SYN3: variants seen among roughly 807,000 people sequenced by gnomAD.
The protein encoded by SYN3 is synapsin III.
A neutral mutation model predicts 65.8 loss-of-function variants in SYN3; 35 were observed. The observed-to-expected ratio is 0.53, with a 90% CI of 0.41 to 0.70. The LOEUF (loss-of-function observed/expected upper bound fraction) is 0.70, where lower values mean the gene tolerates loss of function less well. SYN3 is among the 30% of genes least tolerant of loss of function. The pLI, the probability that SYN3 is intolerant of heterozygous loss-of-function variation, is 0.00. For missense variants in SYN3, 680 were observed against 749.0 expected, an observed-to-expected ratio of 0.91 and a Z score of 1.08; for synonymous variants, 270 against 292.9, an observed-to-expected ratio of 0.92 and a Z score of 0.80.
At chr22:32,527,678 G>A in intron 12 of SYN3, 1 of 419,604 alleles carries the variant, frequency 2.4e-6, no homozygotes. Flanking sequence ...AAATAGGTGG[G>A]ACATTCCCTG....
At position 32,795,603 on chromosome 22, in the gene SYN3, C is replaced by T. The variant is rs183173155; in HGVS notation, c.711+69312G>A. On this transcript the variant is annotated intron_variant, in intron 6 of 13. Coordinates refer to ENST00000358763, the MANE Select transcript of SYN3 (RefSeq NM_003490.4). ...CACTCCGGTGCACATAGCATGGTAG[C>T]GACCATGGGGGTGCGTGGGGTAGGC... Among the ~76,000 whole-genome samples, 14 of 152,190 alleles carry T rather than the reference C, an allele frequency of 9.2e-5. No homozygotes were observed. The East Asian group carries it at 2.1e-3, about 23-fold the overall frequency.
chr22:32,928,157 C>T (rs532268902), intron 4 of SYN3, among the ~76,000 whole-genome samples: 3 of 152,096 alleles, frequency 2.0e-5, no homozygotes, highest in Non-Finnish European at 2.9e-5. Flanking sequence ...GGTGAAACCC[C>T]GTCTGTACTA....
intron 4 of SYN3, among the ~76,000 whole-genome samples, chr22:32,895,117 GA>G (rs1256849307): frequency 6.6e-6 from 1 of 152,234 alleles, no homozygotes; most frequent in Non-Finnish European, 1.5e-5. Flanking sequence ...ATCCTGTAAT[GA>G]TCTGAAGGAT....
At chr22:32,515,013 C>CA (rs969373157) in intron 13 of SYN3, among the ~76,000 whole-genome samples, 2,971 of 138,180 alleles carry the variant, frequency 0.022, 95 homozygotes, top group African/African-American at 0.073. Context: ...GACTCCATCT[C>CA]AAAAAAAAAA....
chr22:32,738,281 A>T (rs940988867), intron 6 of SYN3, among the ~76,000 whole-genome samples: 1 of 152,212 alleles, frequency 6.6e-6, no homozygotes, highest in Non-Finnish European at 1.5e-5. Flanking sequence ...CTCTACTACC[A>T]GAGATAACAC....
At chr22:32,893,805 C>G (rs991257460) in intron 4 of SYN3, among the ~76,000 whole-genome samples, 2 of 152,114 alleles carry the variant, frequency 1.3e-5, no homozygotes, top group African/African-American at 4.8e-5. Flanking sequence ...CTTCTTTGAA[C>G]ATGGCAGTGA....
chr22:32,701,092 A>C (rs1569158456), intron 6 of SYN3, among the ~76,000 whole-genome samples: 1 of 152,256 alleles, frequency 6.6e-6, no homozygotes, highest in Non-Finnish European at 1.5e-5. Flanking sequence ...CACTTTTCTC[A>C]ACAGACTCAG....
At chr22:33,013,312 G>A (rs1183600028) in intron 1 of SYN3, among the ~76,000 whole-genome samples, 2 of 152,168 alleles carry the variant, frequency 1.3e-5, no homozygotes, top group South Asian at 2.1e-4. Context: ...AAACATTTAT[G>A]GTTTAGGGTA....
intron 3 of SYN3, among the ~76,000 whole-genome samples, chr22:32,957,860 G>T (rs2051515026): frequency 6.6e-6 from 1 of 152,190 alleles, no homozygotes; most frequent in Admixed American, 6.5e-5. Context: ...CCTCTTCTCA[G>T]ATGCTCATTT....
intron 6 of SYN3, among the ~76,000 whole-genome samples, chr22:32,777,495 T>A (rs1339933934): frequency 6.6e-6 from 1 of 152,138 alleles, no homozygotes; most frequent in African/African-American, 2.4e-5. Context: ...CTTCAGTGGA[T>A]CTGTCAGAGC....
intron 6 of SYN3, among the ~76,000 whole-genome samples, chr22:32,709,824 CT>C (rs1828710763): frequency 6.6e-6 from 1 of 151,894 alleles, no homozygotes; most frequent in African/African-American, 2.4e-5. Context: ...GAGAAGTTCC[CT>C]ATCAATATCT....
At chr22:32,557,948 A>G (rs2058527133) in intron 7 of SYN3, among the ~76,000 whole-genome samples, 1 of 152,170 alleles carries the variant, frequency 6.6e-6, no homozygotes, top group Non-Finnish European at 1.5e-5. Context: ...TTTTTCTCTG[A>G]TAGTTCTACT....
intron 4 of SYN3, among the ~76,000 whole-genome samples, chr22:32,888,255 T>C (rs2049349142): frequency 6.6e-6 from 1 of 152,166 alleles, no homozygotes; most frequent in Non-Finnish European, 1.5e-5. Flanking sequence ...CTAGATGTTA[T>C]TATTTTTAAG....
intron 6 of SYN3, among the ~76,000 whole-genome samples, chr22:32,605,309 A>G (rs1440246330): frequency 1.3e-5 from 2 of 152,156 alleles, no homozygotes; most frequent in African/African-American, 2.4e-5. Flanking sequence ...AGGAATGGCA[A>G]GCTTGGGAAG....
intron 6 of SYN3, among the ~76,000 whole-genome samples, chr22:32,672,371 T>C (rs914011307): frequency 6.6e-6 from 1 of 152,192 alleles, no homozygotes; most frequent in Admixed American, 6.5e-5. Flanking sequence ...AAAATTAAGA[T>C]GCATGGTATG....
chr22:32,822,573 C>T (rs171383), intron 6 of SYN3, among the ~76,000 whole-genome samples: 138,442 of 152,266 alleles, frequency 0.91, 63,013 homozygotes, highest in Middle Eastern at 0.94. Context: ...AATAACTAGG[C>T]AATGGAGTCC....
intron 1 of SYN3, chr22:33,014,600 G>C (rs964629773): frequency 1.3e-5 from 2 of 152,300 alleles, no homozygotes; most frequent in African/African-American, 2.4e-5. Flanking sequence ...GACCAACATG[G>C]AGAAACCCCG....
rs1480605529 is a variant in SYN3, at chr22:32,513,394, A to T, written c.*298T>A. The T allele has an allele frequency of 3.5e-6, 1 of 287,850 alleles. No homozygotes were observed. Among genetic ancestry groups the T allele is most frequent in the Non-Finnish European group, 6.5e-6 (1 of 153,458 alleles). 17.8% of individuals were successfully genotyped at this position (287,850 alleles called of 1,614,324 possible). On this transcript the variant is annotated 3_prime_UTR_variant, in exon 14 of 14. Coordinates refer to ENST00000358763, the MANE Select transcript of SYN3 (RefSeq NM_003490.4). The stretch of plus-strand genomic sequence containing the variant: ...CCACTCGCAGACATCTCACTTGGTT[A>T]TCTGGCAGGTAAGCAGGCACGTGGG...
chr22:33,052,410 C>T (rs1467155871), intron 1 of SYN3, among the ~76,000 whole-genome samples: 1 of 151,720 alleles, frequency 6.6e-6, no homozygotes, highest in Non-Finnish European at 1.5e-5. Flanking sequence ...CCTCTTCTTT[C>T]TCCTCCTCCT....
Sources: allele counts gnomAD v4.1 joint callset (sites outside exome capture counted in the v4.1 genomes callset), GRCh38; gene constraint gnomAD v4.1.1; transcripts MANE v1.5; gene names NCBI Gene and HGNC (gene_info 2026-07-23, HGNC 2026-07-21).